ELP3: variants seen among roughly 807,000 people sequenced by gnomAD.
ELP3 encodes elongator acetyltransferase complex subunit 3.
ELP3 carries 56 observed loss-of-function variants against 74.9 expected under a neutral mutation model. The observed-to-expected ratio is 0.75, with a 90% CI of 0.60 to 0.93. ELP3 has a LOEUF of 0.93. ELP3 is among the 40% of genes least tolerant of loss of function. The pLI is 0.00. For missense variants in ELP3, 573 were observed against 686.5 expected, an observed-to-expected ratio of 0.83 and a Z score of 1.85; for synonymous variants, 222 against 239.8, an observed-to-expected ratio of 0.93 and a Z score of 0.68.
chr8:28,171,249 A>T (rs1180520717), intron 14 of ELP3, among the ~76,000 whole-genome samples: 1 of 152,096 alleles, frequency 6.6e-6, no homozygotes, highest in Non-Finnish European at 1.5e-5. Context: ...TTTTTGAGGA[A>T]CCACCAAACT....
At chr8:28,101,041 A>G (rs2130357636) in intron 3 of ELP3, among the ~76,000 whole-genome samples, 2 of 152,280 alleles carry the variant, frequency 1.3e-5, no homozygotes, top group Admixed American at 1.3e-4. Context: ...TAAAATTTTT[A>G]CATACAATGT....
At chr8:28,127,682 T>C (rs1293399220) in intron 7 of ELP3, among the ~76,000 whole-genome samples, 1 of 152,210 alleles carries the variant, frequency 6.6e-6, no homozygotes, top group East Asian at 1.9e-4. Context: ...CTGATGATTC[T>C]ATTGTTTCAG....
chr8:28,190,570 G>GC lies in ELP3; in HGVS notation c.*846dup, dbSNP rs1199552151. 8.1e-6 allele frequency: 1 copy of GC among 122,842 alleles called. No individual in the cohort carries two copies. The highest frequency in any genetic ancestry group is 8.6e-5 in the Admixed American group (1 of 11,574). The allele number at this position is 122,842 out of a possible 1,614,324, so 7.6% of individuals were successfully genotyped here. ...TTTGCTTCCACAGAAGCCATTACTT[G>GC]CAATTTTTTTTTTTTTTCTGAGAAA... is the stretch of plus-strand genomic sequence containing the variant. On this transcript the variant is annotated 3_prime_UTR_variant, in exon 15 of 15. Coordinates refer to ENST00000256398, the MANE Select transcript of ELP3 (RefSeq NM_018091.6).
chr8:28,093,100 A>T, upstream of ELP3: 1 of 1,521,798 alleles, frequency 6.6e-7, no homozygotes, highest in Non-Finnish European at 9.0e-7. Flanking sequence ...GCTTTACGAT[A>T]CATTGACCGA....
chr8:28,154,504 C>T (rs1365679705), intron 10 of ELP3, among the ~76,000 whole-genome samples: 1 of 151,876 alleles, frequency 6.6e-6, no homozygotes, highest in Non-Finnish European at 1.5e-5. Flanking sequence ...GATGTATAGC[C>T]ATATATTTAA....
chr8:28,176,606 A>G (rs754318180), intron 14 of ELP3, among the ~76,000 whole-genome samples: 6 of 152,188 alleles, frequency 3.9e-5, no homozygotes, highest in Non-Finnish European at 7.3e-5. Context: ...GCATTCCAAA[A>G]TAGTTGGTTG....
intron 5 of ELP3, among the ~76,000 whole-genome samples, 154 bp downstream of exon 5, chr8:28,108,130 T>C (rs1811769890): frequency 6.6e-6 from 1 of 152,254 alleles, no homozygotes. Context: ...TTTGCCAGTG[T>C]CTACTAGTGC....
Position 28,124,300 on chromosome 8 carries a change from A to G in ELP3, c.618-5202A>G, listed in dbSNP as rs531862743. On this transcript the variant is annotated intron_variant, in intron 7 of 14. Transcript: ENST00000256398. ...AACTGTCCCTTAAGAATCAGGAGACATAGTCTCCAGACTTATTTATATTAT... is the reference window on the plus strand; with the variant it reads ...AACTGTCCCTTAAGAATCAGGAGACGTAGTCTCCAGACTTATTTATATTAT... Among the ~76,000 whole-genome samples, 20 of 152,294 alleles carry G rather than the reference A, an allele frequency of 1.3e-4. No individual in the cohort carries two copies. In the East Asian group the frequency reaches 3.9e-3, roughly 29 times the overall value.
At chr8:28,104,433 A>T (rs980564365) in intron 3 of ELP3, among the ~76,000 whole-genome samples, 2 of 152,232 alleles carry the variant, frequency 1.3e-5, no homozygotes, top group Non-Finnish European at 2.9e-5. Flanking sequence ...CATTACTGTC[A>T]TCTAAGCCTC....
intron 10 of ELP3, among the ~76,000 whole-genome samples, chr8:28,146,961 A>C (rs1563272780): frequency 6.6e-6 from 1 of 152,202 alleles, no homozygotes; most frequent in East Asian, 1.9e-4. Flanking sequence ...GCTCTCTGGT[A>C]ATCAGGGCCA....
intron 7 of ELP3, among the ~76,000 whole-genome samples, chr8:28,123,463 C>CCA (rs1812451145): frequency 6.6e-6 from 1 of 152,066 alleles, no homozygotes; most frequent in Admixed American, 6.5e-5. Context: ...GGTGAACATG[C>CCA]CATGTGTGTT....
intron 5 of ELP3, among the ~76,000 whole-genome samples, chr8:28,108,457 C>CTTTT (rs33948469): frequency 8.5e-5 from 10 of 117,556 alleles, no homozygotes; most frequent in East Asian, 4.9e-4. Context: ...ATTTTTTTTT[C>CTTTT]TTTTTTTTTT....
intron 14 of ELP3, among the ~76,000 whole-genome samples, chr8:28,172,686 GTGA>G (rs1814577737): frequency 6.6e-6 from 1 of 151,962 alleles, no homozygotes; most frequent in Non-Finnish European, 1.5e-5. Flanking sequence ...AAGTACTGTG[GTGA>G]AAATGGGCAA....
intron 14 of ELP3, among the ~76,000 whole-genome samples, chr8:28,173,105 CTT>C (rs1158832980): frequency 6.6e-6 from 1 of 151,850 alleles, no homozygotes; most frequent in African/African-American, 2.4e-5. Flanking sequence ...TTTGTAGTGT[CTT>C]TATCTGGCTT....
upstream of ELP3, chr8:28,093,127 G>A (rs528825855): frequency 1.1e-5 from 17 of 1,578,124 alleles, no homozygotes; most frequent in Non-Finnish European, 1.4e-5. Flanking sequence ...ACGACAGGCG[G>A]GATTGTTTTG....
At chr8:28,093,441 C>T in intron 1 of ELP3, 1 of 629,826 alleles carries the variant, frequency 1.6e-6, no homozygotes, top group South Asian at 2.0e-5. Flanking sequence ...TCCTCTCTTC[C>T]TCTTTGGCAG....
In ELP3 at chr8:28,109,724, T is replaced by A. The variant is rs148184608; in HGVS notation, c.394-646T>A. Among the ~76,000 whole-genome samples the A allele has an allele frequency of 4.9e-3, 745 of 152,340 alleles. 8 individuals are homozygous for A. The highest frequency in any genetic ancestry group is 0.017 in the African/African-American group (704 of 41,562). ...ACAATATTTTTAATAATTTTGTGCG[T>A]GAAACAAAGTTTGTGTTAAGTACTA... On this transcript the variant is annotated intron_variant, in intron 5 of 14. Transcript: ENST00000256398.
chr8:28,174,037 TCTGTGTGCACTTATGGAA>T (rs1814641597), intron 14 of ELP3, among the ~76,000 whole-genome samples: 1 of 152,032 alleles, frequency 6.6e-6, no homozygotes, highest in South Asian at 2.1e-4. Context: ...CGGAAAATGT[TCTGTGTGCACTTATGGAA>T]AATGTACATT....
chr8:28,129,093 G>C (rs1812693910), intron 7 of ELP3, among the ~76,000 whole-genome samples: 1 of 151,948 alleles, frequency 6.6e-6, no homozygotes, highest in Non-Finnish European at 1.5e-5. Context: ...TAATGTAGAT[G>C]GTTTTCACTT....
Sources: allele counts gnomAD v4.1 joint callset (sites outside exome capture counted in the v4.1 genomes callset), GRCh38; gene constraint gnomAD v4.1.1; transcripts MANE v1.5; gene names NCBI Gene and HGNC (gene_info 2026-07-23, HGNC 2026-07-21).